The following ACER2 variants were observed in gnomAD, a reference collection of about 807,000 sequenced individuals.
ACER2 encodes alkCDase 2.
ACER2 carries 26 observed loss-of-function variants against 34.7 expected under a neutral mutation model. That is an observed-to-expected ratio of 0.75 (90% CI 0.55 to 1.04). The LOEUF is 1.04. ACER2 is among the 50% of genes least tolerant of loss of function. ACER2 has a pLI of 0.00. For synonymous variants in ACER2, 138 were observed against 132.1 expected (o/e 1.04, Z -0.31); for missense variants, 352 against 340.8 (o/e 1.03, Z -0.26).
chr9:19,444,630 C>A (rs1014893597), intron 4 of ACER2, among the ~76,000 whole-genome samples: 2 of 152,092 alleles, frequency 1.3e-5, no homozygotes, highest in Non-Finnish European at 2.9e-5. Context: ...TGAGGGGAGA[C>A]CTATAGTATC....
At chr9:19,435,540 G>A (rs1366681280) in intron 4 of ACER2, among the ~76,000 whole-genome samples, 1 of 152,178 alleles carries the variant, frequency 6.6e-6, no homozygotes, top group African/African-American at 2.4e-5. Context: ...AATCTATTAG[G>A]TAAAGGTTTT....
intron 1 of ACER2, among the ~76,000 whole-genome samples, chr9:19,419,159 T>TGTA (rs1830328311): frequency 6.6e-6 from 1 of 151,782 alleles, no homozygotes; most frequent in East Asian, 1.9e-4. Flanking sequence ...CCATTGTACT[T>TGTA]CAGCCTGGGC....
At chr9:19,426,081 A>T (rs1470755162) in intron 3 of ACER2, among the ~76,000 whole-genome samples, 1 of 152,164 alleles carries the variant, frequency 6.6e-6, no homozygotes, top group Non-Finnish European at 1.5e-5. Context: ...TGAATGAACT[A>T]AACTCTTTCT....
intron 4 of ACER2, among the ~76,000 whole-genome samples, chr9:19,439,271 C>G (rs1346694517): frequency 1.3e-5 from 2 of 151,974 alleles, no homozygotes; most frequent in South Asian, 2.1e-4. Flanking sequence ...TGATTATTCC[C>G]TCCACTCTCC....
intron 1 of ACER2, among the ~76,000 whole-genome samples, chr9:19,411,092 G>T (rs922895430): frequency 3.3e-5 from 5 of 152,188 alleles, no homozygotes; most frequent in African/African-American, 1.2e-4. Context: ...CATAGGGCTG[G>T]ATGAAAGGGA....
chr9:19,409,126 C>T lies in ACER2; in HGVS notation c.42C>T (p.Ser14=), dbSNP rs1830005584. 1.9e-6 allele frequency: 3 copies of T among 1,606,392 alleles called. No homozygotes were observed. The East Asian group carries it at 6.7e-5, about 36-fold the overall frequency. The part of the protein sequence containing the change: ...PHWWDQLQAG[S]SEVDWCEDNY... ...GGTGGGACCAGCTGCAGGCTGGTAGCTCGGAGGTGGACTGGTGCGAGGACA... is the reference window on the plus strand; with the variant it reads ...GGTGGGACCAGCTGCAGGCTGGTAGTTCGGAGGTGGACTGGTGCGAGGACA... Residue 14 remains serine, a synonymous_variant, in exon 1 of 6, where the codon AGC becomes AGT. Coordinates refer to ENST00000340967, the MANE Select transcript of ACER2 (RefSeq NM_001010887.3).
intron 1 of ACER2, among the ~76,000 whole-genome samples, chr9:19,418,683 G>T (rs887385517): frequency 6.6e-6 from 1 of 152,116 alleles, no homozygotes; most frequent in Non-Finnish European, 1.5e-5. Context: ...ATCACACACC[G>T]GGGCCTTTTG....
intron 5 of ACER2, among the ~76,000 whole-genome samples, chr9:19,447,127 A>C (rs1181926271): frequency 6.6e-6 from 1 of 152,178 alleles, no homozygotes; most frequent in Non-Finnish European, 1.5e-5. Context: ...TTCAGCCTCA[A>C]ACCCAGAGTG....
chr9:19,429,195 C>T (rs1330536079), intron 3 of ACER2, among the ~76,000 whole-genome samples: 1 of 152,134 alleles, frequency 6.6e-6, no homozygotes, highest in Non-Finnish European at 1.5e-5. Context: ...AAAAAACTTT[C>T]TTTCATCTTG....
At chr9:19,429,889 C>T (rs1390147833) in intron 3 of ACER2, among the ~76,000 whole-genome samples, 1 of 152,090 alleles carries the variant, frequency 6.6e-6, no homozygotes, top group Non-Finnish European at 1.5e-5. Flanking sequence ...CTGTAACTAT[C>T]AAGGGCTGGC....
intron 4 of ACER2, 21 bp downstream of exon 4, chr9:19,435,105 C>G (rs770299429): frequency 6.2e-7 from 1 of 1,613,346 alleles, no homozygotes; most frequent in East Asian, 2.2e-5. Flanking sequence ...TCATTCCTGC[C>G]TACCCTTAGC....
intron 5 of ACER2, among the ~76,000 whole-genome samples, chr9:19,448,071 A>G (rs1831429033): frequency 7.7e-6 from 1 of 129,492 alleles, no homozygotes; most frequent in Non-Finnish European, 1.6e-5. Context: ...CAGTGGGGTG[A>G]TCTTGGCTCA....
Position 19,424,804 on chromosome 9 carries a change from C to G in ACER2, c.328C>G (p.Pro110Ala). The change falls in exon 3 of 6, where the codon CCC becomes GCC. Residue 110 changes from proline (P) to alanine (A), a missense_variant. Physicochemically the swap from Pro to Ala is conservative, Grantham distance 27. Coordinates refer to ENST00000340967, the MANE Select transcript of ACER2 (RefSeq NM_001010887.3). Reference sequence around the variant, plus strand: ...GATGTGTGCTTTGGCCATGTGGTTCCCCAGAAGGTATCTACCAAAGATCTT... The same window carrying G: ...GATGTGTGCTTTGGCCATGTGGTTCGCCAGAAGGTATCTACCAAAGATCTT... ...VLMCALAMWF[P>A]RRYLPKIFRN... is the part of the protein sequence containing the mutation. 6.2e-7 allele frequency: 1 copy of G among 1,614,056 alleles called. No homozygotes were observed. The highest frequency in any genetic ancestry group is 8.5e-7 in the Non-Finnish European group (1 of 1,180,018).
At chr9:19,430,468 T>C (rs1165206019) in intron 3 of ACER2, among the ~76,000 whole-genome samples, 1 of 152,188 alleles carries the variant, frequency 6.6e-6, no homozygotes, top group Non-Finnish European at 1.5e-5. Flanking sequence ...TGGATATTTC[T>C]AGCTCTCTTG....
At chr9:19,420,364 T>G (rs7043829) in intron 1 of ACER2, among the ~76,000 whole-genome samples, 16,002 of 152,214 alleles carry the variant, frequency 0.11, 1,722 homozygotes, top group African/African-American at 0.27. Flanking sequence ...GTGTTACTCA[T>G]GTAGACTTAG....
At chr9:19,431,087 G>A (rs1222247217) in intron 3 of ACER2, among the ~76,000 whole-genome samples, 1 of 152,046 alleles carries the variant, frequency 6.6e-6, no homozygotes, top group East Asian at 1.9e-4. Context: ...GATTGCAACA[G>A]CAGCTCAGTT....
At chr9:19,413,110 G>T (rs1348549751) in intron 1 of ACER2, among the ~76,000 whole-genome samples, 2 of 152,104 alleles carry the variant, frequency 1.3e-5, no homozygotes, top group African/African-American at 2.4e-5. Flanking sequence ...ACAATGTTTG[G>T]GCATACAAAA....
intron 1 of ACER2, among the ~76,000 whole-genome samples, chr9:19,422,217 C>T (rs1290060158): frequency 6.6e-6 from 1 of 151,742 alleles, no homozygotes; most frequent in Non-Finnish European, 1.5e-5. Flanking sequence ...AGGAGGCTCC[C>T]TTAAGCCTGG....
chr9:19,419,722 C>A (rs370690261), intron 1 of ACER2, among the ~76,000 whole-genome samples: 1 of 152,122 alleles, frequency 6.6e-6, no homozygotes, highest in Non-Finnish European at 1.5e-5. Context: ...GAGATCGTGC[C>A]GTTGCACTCC....
Sources: gnomAD v4.1 joint callset for allele counts (sites outside exome capture counted in the v4.1 genomes callset) on GRCh38, gnomAD v4.1.1 for gene constraint, MANE v1.5 for transcripts, NCBI Gene and HGNC (gene_info 2026-07-23, HGNC 2026-07-21) for gene names.